The following GRIK2 variants were observed in gnomAD, a reference collection of about 807,000 sequenced individuals.
The protein encoded by GRIK2 is glutamate ionotropic receptor kainate type subunit 2.
A neutral mutation model predicts 100.3 loss-of-function variants in GRIK2; 32 were observed. That is an observed-to-expected ratio of 0.32 (90% CI 0.24 to 0.43). The LOEUF (loss-of-function observed/expected upper bound fraction) is 0.43, where lower values mean the gene tolerates loss of function less well. Ranked by LOEUF, GRIK2 falls within the 20% of genes least tolerant of loss-of-function variation. The pLI is 1.00. For synonymous variants in GRIK2, 417 were observed against 389.4 expected, an observed-to-expected ratio of 1.07 and a Z score of -0.83; for missense variants, 843 against 1,114.9, an observed-to-expected ratio of 0.76 and a Z score of 3.47.
Position 101,443,721 on chromosome 6 carries a change from C to T in GRIK2, c.115+44329C>T, listed in dbSNP as rs149184277. On this transcript the variant is annotated intron_variant, in intron 2 of 16. Coordinates refer to ENST00000369134, the MANE Select transcript of GRIK2 (RefSeq NM_021956.5). ...ATATTTGGGAGATTCTGAACTGAAT[C>T]AAGGTAATAGTTTTCCCTTTTCCTT... Among the ~76,000 whole-genome samples the T allele has an allele frequency of 5.7e-3, 865 of 152,034 alleles. 4 individuals carry two copies. Among genetic ancestry groups the T allele is most frequent in the Middle Eastern group, 0.01 (3 of 294 alleles).
chr6:101,910,502 A>C (rs923891934), intron 12 of GRIK2, among the ~76,000 whole-genome samples: 1 of 151,318 alleles, frequency 6.6e-6, no homozygotes, highest in Non-Finnish European at 1.5e-5. Flanking sequence ...TATGAATGTC[A>C]TCAGTTCAAA....
chr6:101,856,109 A>G (rs1784412749), intron 10 of GRIK2, among the ~76,000 whole-genome samples: 1 of 152,156 alleles, frequency 6.6e-6, no homozygotes, highest in East Asian at 1.9e-4. Context: ...ATGATGTTGA[A>G]TGTTATTCTA....
At chr6:101,998,302 G>T (rs983779860) in intron 14 of GRIK2, among the ~76,000 whole-genome samples, 2 of 152,098 alleles carry the variant, frequency 1.3e-5, no homozygotes, top group Non-Finnish European at 2.9e-5. Flanking sequence ...CCATGTAACA[G>T]CAGATAAAGG....
chr6:101,951,467 C>T (rs923636173), intron 14 of GRIK2, among the ~76,000 whole-genome samples: 9 of 152,132 alleles, frequency 5.9e-5, no homozygotes, highest in African/African-American at 1.9e-4. Context: ...TCAGTATATG[C>T]GTGTTTTGTT....
intron 7 of GRIK2, among the ~76,000 whole-genome samples, chr6:101,709,114 G>A (rs1773533770): frequency 6.6e-6 from 1 of 151,742 alleles, no homozygotes; most frequent in Non-Finnish European, 1.5e-5. Flanking sequence ...ACACACACAA[G>A]GAGAGCACCC....
intron 7 of GRIK2, among the ~76,000 whole-genome samples, chr6:101,719,125 A>G (rs1337861423): frequency 6.9e-6 from 1 of 144,398 alleles, no homozygotes; most frequent in Non-Finnish European, 1.5e-5. Context: ...GAAATGTGCA[A>G]CAGGCTGCAA....
At chr6:102,031,125 A>C (rs1255132364) in intron 14 of GRIK2, among the ~76,000 whole-genome samples, 1 of 66,042 alleles carries the variant, frequency 1.5e-5, no homozygotes, top group Admixed American at 1.4e-4. Flanking sequence ...ACACACACAC[A>C]CACCCCCTTT....
chr6:101,463,696 G>A (rs1771464720), intron 2 of GRIK2, among the ~76,000 whole-genome samples: 1 of 152,112 alleles, frequency 6.6e-6, no homozygotes, highest in South Asian at 2.1e-4. Flanking sequence ...TCTATCCAAG[G>A]ATGACTCCAG....
chr6:102,043,128 C>T (rs949775578), intron 15 of GRIK2, among the ~76,000 whole-genome samples: 2 of 151,496 alleles, frequency 1.3e-5, no homozygotes, highest in Non-Finnish European at 3.0e-5. Flanking sequence ...AATATTCCTT[C>T]AATTAGAATG....
intron 2 of GRIK2, among the ~76,000 whole-genome samples, chr6:101,507,356 G>A (rs1250058029): frequency 6.6e-6 from 1 of 151,976 alleles, no homozygotes; most frequent in African/African-American, 2.4e-5. Context: ...TCTATTTGTT[G>A]TATGTATGCT....
intron 14 of GRIK2, among the ~76,000 whole-genome samples, chr6:102,011,741 C>T (rs1027903428): frequency 4.0e-5 from 6 of 151,736 alleles, no homozygotes; most frequent in African/African-American, 7.3e-5. Flanking sequence ...CCTGCCACCA[C>T]GCCCGGCTAA....
chr6:101,887,682 G>A (rs1315600051), intron 11 of GRIK2, among the ~76,000 whole-genome samples: 3 of 152,144 alleles, frequency 2.0e-5, no homozygotes, highest in African/African-American at 4.8e-5. Context: ...CCTGGCGGAA[G>A]GAGAGGGGAA....
intron 2 of GRIK2, among the ~76,000 whole-genome samples, chr6:101,527,607 C>T (rs1775217613): frequency 6.6e-6 from 1 of 152,170 alleles, no homozygotes; most frequent in African/African-American, 2.4e-5. Context: ...ATGTCAGCCT[C>T]ACCTGTTTGT....
intron 2 of GRIK2, among the ~76,000 whole-genome samples, chr6:101,546,721 C>T (rs923587715): frequency 2.0e-5 from 3 of 150,948 alleles, no homozygotes; most frequent in African/African-American, 7.3e-5. Flanking sequence ...ATAATATTAT[C>T]TCCTTAATTA....
intron 7 of GRIK2, among the ~76,000 whole-genome samples, chr6:101,792,876 G>A (rs1242338033): frequency 6.6e-6 from 1 of 151,946 alleles, no homozygotes; most frequent in Non-Finnish European, 1.5e-5. Flanking sequence ...TTTTCACATA[G>A]TCCCATATTT....
At chr6:101,413,063 T>G (rs567728435) in intron 2 of GRIK2, among the ~76,000 whole-genome samples, 1 of 152,026 alleles carries the variant, frequency 6.6e-6, no homozygotes, top group African/African-American at 2.4e-5. Context: ...AAAACTAGGA[T>G]AGAATTTTAC....
At chr6:101,928,248 T>G in intron 13 of GRIK2, 167 bp from the exon 14 acceptor site, 2 of 599,282 alleles carry the variant, frequency 3.3e-6, no homozygotes, top group Non-Finnish European at 5.9e-6. Context: ...TTTCTGAAAA[T>G]AGCCTCTGCT....
chr6:101,832,900 A>T (rs1782795666), intron 10 of GRIK2, among the ~76,000 whole-genome samples: 2 of 152,144 alleles, frequency 1.3e-5, no homozygotes, highest in South Asian at 4.1e-4. Flanking sequence ...GCTTCATCTC[A>T]ACTTTCCGAT....
intron 7 of GRIK2, among the ~76,000 whole-genome samples, chr6:101,763,069 G>A (rs1777831225): frequency 6.6e-6 from 1 of 152,096 alleles, no homozygotes; most frequent in Non-Finnish European, 1.5e-5. Context: ...GTTCCTTGGA[G>A]ACGCTCATGT....
Sources: gnomAD v4.1 joint callset for allele counts (sites outside exome capture counted in the v4.1 genomes callset) on GRCh38, gnomAD v4.1.1 for gene constraint, MANE v1.5 for transcripts, NCBI Gene and HGNC (gene_info 2026-07-23, HGNC 2026-07-21) for gene names.